Variants in CEP250 observed in about 807,000 individuals in gnomAD.
CEP250 encodes centrosome-associated protein CEP250.
A neutral mutation model predicts 315.7 loss-of-function variants in CEP250; 242 were observed. That is an observed-to-expected ratio of 0.77 (90% CI 0.69 to 0.85). CEP250 has a LOEUF of 0.85. CEP250 is among the 40% of genes least tolerant of loss of function. The pLI, the probability that CEP250 is intolerant of heterozygous loss-of-function variation, is 0.00. For missense variants in CEP250, 2,515 were observed against 2,886.4 expected (o/e 0.87, Z 2.95); for synonymous variants, 1,088 against 1,175.0 (o/e 0.93, Z 1.51).
chr20:35,463,557 C>A lies in CEP250; in HGVS notation c.187-18C>A. On this transcript the variant is annotated intron_variant, in intron 4 of 34. Transcript: ENST00000397527. The stretch of plus-strand genomic sequence containing the variant: ...GCCAGCTGTGTTCATTGCCCAGGGC[C>A]TGTTCTTTTTGCTGCAGGTGCTGCA... The A allele has an allele frequency of 6.2e-7, 1 of 1,600,578 alleles. No individual in the cohort carries two copies. The highest frequency in any genetic ancestry group is 8.5e-7 in the Non-Finnish European group (1 of 1,174,024).
chr20:35,503,712 G>T lies in CEP250; in HGVS notation c.5343G>T (p.Val1781=). Residue 1781 remains valine, a synonymous_variant, in exon 30 of 35, where the codon GTG becomes GTT. Coordinates refer to ENST00000397527, the MANE Select transcript of CEP250 (RefSeq NM_007186.6). The surrounding 1 kb of genome is among the most constrained non-coding windows in gnomAD (Gnocchi z 4.2). The part of the protein sequence containing the change: ...LLLSQREQEI[V]VLQQQLQEAR... ...TGTCCCAGCGAGAGCAGGAAATAGTGGTCCTGCAGCAGCAACTGCAGGAAG... is the reference window on the plus strand; with the variant it reads ...TGTCCCAGCGAGAGCAGGAAATAGTTGTCCTGCAGCAGCAACTGCAGGAAG... 6.2e-7 allele frequency: 1 copy of T among 1,614,082 alleles called. No individual in the cohort carries two copies. The highest frequency in any genetic ancestry group is 8.5e-7 in the Non-Finnish European group (1 of 1,180,018).
rs142447631 is a variant in CEP250, at chr20:35,502,475, C to T, written c.4106C>T (p.Ala1369Val). 2.1e-5 allele frequency: 34 copies of T among 1,614,064 alleles called. No individual in the cohort carries two copies. The African/African-American group carries it at 4.1e-4, about 20-fold the overall frequency. The part of the protein sequence containing the change: ...HLQAAVVEAR[A>V]QASAAGILEE... Reference sequence around the variant, plus strand: ...CAAGCAGCTGTCGTAGAAGCCAGGGCTCAGGCAAGTGCTGCTGGCATCCTG... The same window carrying T: ...CAAGCAGCTGTCGTAGAAGCCAGGGTTCAGGCAAGTGCTGCTGGCATCCTG... The change falls in exon 30 of 35, where the codon GCT becomes GTT. Residue 1369 changes from alanine to valine, a missense_variant. Physicochemically the swap from Ala to Val is moderately conservative, Grantham distance 64. Transcript: ENST00000397527.
At chr20:35,490,229 C>T (rs2063646880) in intron 20 of CEP250, among the ~76,000 whole-genome samples, 1 of 152,056 alleles carries the variant, frequency 6.6e-6, no homozygotes, top group Admixed American at 6.5e-5. Flanking sequence ...AGGAGAATCA[C>T]TTGAACCTGA....
At position 35,490,769 on chromosome 20, in the gene CEP250, G is replaced by A. The variant is rs759653548; in HGVS notation, c.2719G>A (p.Glu907Lys). 21 of 1,613,552 alleles carry A rather than the reference G, an allele frequency of 1.3e-5. No homozygotes were observed. The East Asian group carries it at 4.5e-4, about 34-fold the overall frequency. The change falls in exon 21 of 35, where the codon GAA (glutamate) becomes AAA (lysine). Residue 907 changes from glutamate (E) to lysine (K), a missense_variant. Coordinates refer to ENST00000397527, the MANE Select transcript of CEP250 (RefSeq NM_007186.6). ...EMEAIQAQRE[E>K]ERTQAESALC... ...GGAGGCCATCCAGGCCCAGAGGGAA[G>A]AAGAACGGACCCAGGCAGAGAGTGC...
In CEP250 at chr20:35,497,372, A is replaced by T. The variant is rs1192935502; in HGVS notation, c.3307-347A>T. On this transcript the variant is annotated intron_variant, in intron 25 of 34. Transcript: ENST00000397527. ...GTGTCAGGAACACAATAAGCATTCA[A>T]TACATGGTAGCTATGTTATTGTGAC... is the stretch of plus-strand genomic sequence containing the variant. 2.6e-5 allele frequency among the ~76,000 whole-genome samples: 4 copies of T among 152,224 alleles called. No homozygotes were observed. The South Asian group carries it at 8.3e-4, about 31-fold the overall frequency.
rs543231997 is a variant in CEP250, at chr20:35,484,795, G to A, written c.2586+4650G>A. 2.3e-4 allele frequency among the ~76,000 whole-genome samples: 35 copies of A among 152,188 alleles called. 1 individual carries two copies. The highest frequency in any genetic ancestry group is 8.2e-4 in the African/African-American group (34 of 41,534). On this transcript the variant is annotated intron_variant, in intron 20 of 34. Coordinates refer to ENST00000397527, the MANE Select transcript of CEP250 (RefSeq NM_007186.6). ...AGGCTTTGCAGACCATATGGTCTCT[G>A]TTACAATTATCTAACTTTGCAATTG...
chr20:35,502,693 G>A lies in CEP250; in HGVS notation c.4324G>A (p.Gly1442Arg), dbSNP rs2037969018. ...AGAAGAGGAGGTGGAGACTCTGCGG[G>A]GACAAATCCAGGAACTGGAGAAGCA... ...EREEEVETLRGQIQELEKQRE... is the reference protein window; with the variant it reads ...EREEEVETLRRQIQELEKQRE... The change falls in exon 30 of 35, where the codon GGA (glycine) becomes AGA (arginine). Residue 1442 changes from glycine (G) to arginine (R), a missense_variant. By Grantham distance (125) the Gly-to-Arg change is moderately radical. Coordinates refer to ENST00000397527, the MANE Select transcript of CEP250 (RefSeq NM_007186.6). 1 of 1,614,150 alleles carries A rather than the reference G, an allele frequency of 6.2e-7. No individual in the cohort carries two copies. The highest frequency in any genetic ancestry group is 8.5e-7 in the Non-Finnish European group (1 of 1,180,064).
intron 30 of CEP250, 137 bp from the exon 31 acceptor site, chr20:35,507,601 T>G: frequency 4.2e-6 from 3 of 712,460 alleles, no homozygotes; most frequent in Middle Eastern, 4.7e-4. Flanking sequence ...GGTTCTGTAC[T>G]AGAATGACTC....
rs761425638 is a variant in CEP250 at position 35,474,012 on chromosome 20, C to T, written c.1531C>T (p.Gln511Ter). 2 of 1,597,892 alleles carry T rather than the reference C, an allele frequency of 1.3e-6. No individual in the cohort carries two copies. The highest frequency in any genetic ancestry group is 1.7e-6 in the Non-Finnish European group (2 of 1,174,304). The change falls in exon 14 of 35, where the codon CAG becomes TAG. Residue 511 changes from glutamine (Q) to a stop codon, truncating the protein, a stop_gained. Transcript: ENST00000397527. LOFTEE classifies it high-confidence loss of function. ...DSAQGQKEEQ[Q>*]EELHLAVRER... The stretch of plus-strand genomic sequence containing the variant: ...TGCCCAGGGCCAGAAGGAGGAACAG[C>T]AGGAGGAGCTGCACCTGGCTGTCCG...
rs200762282 is a variant in CEP250 at position 35,503,379 on chromosome 20, C to T, written c.5010C>T (p.Leu1670=). 1.2e-5 allele frequency: 20 copies of T among 1,614,054 alleles called. No homozygotes were observed. The highest frequency in any genetic ancestry group is 1.6e-5 in the Non-Finnish European group (19 of 1,180,002). ...LMLQKERIQV[L]EDQRTRQTKI... ...TGCAGAAGGAGAGGATTCAGGTTCTCGAGGATCAGAGGACCCGGCAGACCA... is the reference window on the plus strand; with the variant it reads ...TGCAGAAGGAGAGGATTCAGGTTCTTGAGGATCAGAGGACCCGGCAGACCA... Residue 1670 remains leucine, a synonymous_variant, in exon 30 of 35, where the codon CTC becomes CTT. Coordinates refer to ENST00000397527, the MANE Select transcript of CEP250 (RefSeq NM_007186.6). This position sits in a 1 kb window ranked among gnomAD's most constrained non-coding sequence, Gnocchi z 4.2.
chr20:35,472,204 G>A, intron 11 of CEP250, 53 bp downstream of exon 11: 2 of 1,036,732 alleles, frequency 1.9e-6, no homozygotes, highest in South Asian at 2.5e-5. Flanking sequence ...CACTCCCCAG[G>A]TCTCCATGTC....
intron 9 of CEP250, 67 bp downstream of exon 9, chr20:35,467,622 A>T: frequency 4.6e-6 from 7 of 1,529,396 alleles, no homozygotes; most frequent in Non-Finnish European, 5.3e-6. Context: ...AGGGTTAGGG[A>T]CAGGCAGGGG....
At chr20:35,473,264 T>G (rs1254375235) in intron 12 of CEP250, 110 bp from the exon 13 acceptor site, 2 of 863,774 alleles carry the variant, frequency 2.3e-6, no homozygotes, top group Non-Finnish European at 3.6e-6. Flanking sequence ...TTCTCAGCTT[T>G]CTTTTGTTGC....
At chr20:35,474,281 A>T (rs1350601233) in intron 14 of CEP250, among the ~76,000 whole-genome samples, 1 of 152,234 alleles carries the variant, frequency 6.6e-6, no homozygotes, top group Non-Finnish European at 1.5e-5. Context: ...GGGGATACAG[A>T]AATGAATAAG....
At position 35,502,929 on chromosome 20, in the gene CEP250, G is replaced by C. The variant is rs769350623; in HGVS notation, c.4560G>C (p.Gln1520His). ...AGCTCGAGAAGGATCGGGAGACTCA[G>C]AGGAACGTCTTGGAGCATCAGCTTC... Reference protein sequence around the residue: ...IRELEKDRETQRNVLEHQLLE... With the variant: ...IRELEKDRETHRNVLEHQLLE... Residue 1520 changes from glutamine (Q) to histidine (H), a missense_variant, in exon 30 of 35, where the codon CAG becomes CAC. Transcript: ENST00000397527. 3 of 1,614,254 alleles carry C rather than the reference G, an allele frequency of 1.9e-6. No homozygotes were observed. The highest frequency in any genetic ancestry group is 2.5e-6 in the Non-Finnish European group (3 of 1,180,042).
At position 35,503,782 on chromosome 20, in the gene CEP250, C is replaced by G. The variant is rs2075512106; in HGVS notation, c.5413C>G (p.Leu1805Val). 6.2e-7 allele frequency: 1 copy of G among 1,613,806 alleles called. No individual in the cohort carries two copies. Among genetic ancestry groups the G allele is most frequent in the Non-Finnish European group, 8.5e-7 (1 of 1,180,022 alleles). ...ELKEQSLQSQ[L>V]DEAQRALAQR... ...GAAGGAGCAGTCACTTCAGAGTCAA[C>G]TGGATGAGGCCCAGAGAGCCCTAGC... Residue 1805 changes from leucine (L) to valine (V), a missense_variant, in exon 30 of 35, where the codon CTG becomes GTG. Transcript: ENST00000397527. The surrounding 1 kb of genome is among the most constrained non-coding windows in gnomAD (Gnocchi z 4.2).
rs904484518 is a variant in CEP250, at chr20:35,517,922, A to T, written c.*6296A>T. On this transcript the variant is annotated 3_prime_UTR_variant, in exon 35 of 35. Coordinates refer to ENST00000397527, the MANE Select transcript of CEP250 (RefSeq NM_007186.6). ...TAGCTCAGTGTGATGATGTGCCTGTAGTCCCAGCTACTCGGGAGGCTGAGG... is the reference window on the plus strand; with the variant it reads ...TAGCTCAGTGTGATGATGTGCCTGTTGTCCCAGCTACTCGGGAGGCTGAGG... The T allele has an allele frequency of 1.2e-4, 18 of 151,840 alleles. No individual in the cohort carries two copies. Among genetic ancestry groups the T allele is most frequent in the Admixed American group, 1.2e-3 (18 of 15,234 alleles). The allele number at this position is 151,840 out of a possible 1,614,324, so 9.4% of individuals were successfully genotyped here. A position where few individuals can be genotyped will look rare whatever the true frequency, so the allele number is the denominator to read the frequency against.
chr20:35,485,064 T>TTAA (rs1282625836), intron 20 of CEP250, among the ~76,000 whole-genome samples: 5 of 129,228 alleles, frequency 3.9e-5, no homozygotes, highest in African/African-American at 1.5e-4. Context: ...CCTATCTCTT[T>TTAA]AAAAAAAAAA....
chr20:35,511,459 C>T lies in CEP250; in HGVS notation c.7162C>T (p.His2388Tyr), dbSNP rs746224420. The change falls in exon 35 of 35, where the codon CAC becomes TAC. Residue 2388 changes from histidine to tyrosine, a missense_variant. Coordinates refer to ENST00000397527, the MANE Select transcript of CEP250 (RefSeq NM_007186.6). ...GACCAGCCGTGAGCTAGCAGGCCTG[C>T]ACCACAGCCTCTCACACTCACTTCT... ...AQTSRELAGL[H>Y]HSLSHSLLAV... The T allele has an allele frequency of 2.5e-6, 4 of 1,614,150 alleles. No individual in the cohort carries two copies. In the East Asian group the frequency reaches 8.9e-5, roughly 36 times the overall value.
Sources: gnomAD v4.1 joint callset for allele counts (sites outside exome capture counted in the v4.1 genomes callset) on GRCh38, gnomAD v4.1.1 for gene constraint, Gnocchi (gnomAD v3.1) non-coding constraint, MANE v1.5 for transcripts, NCBI Gene and HGNC (gene_info 2026-07-23, HGNC 2026-07-21) for gene names.